Variants in CSMD1 observed in about 807,000 individuals in gnomAD.
CSMD1 encodes CUB and sushi domain-containing protein 1.
In CSMD1, 213 loss-of-function variants were observed where a neutral mutation model predicts 417.5. The observed-to-expected ratio is 0.51, with a 90% CI of 0.46 to 0.57. The LOEUF (loss-of-function observed/expected upper bound fraction) is 0.57, where lower values mean the gene tolerates loss of function less well. Ranked by LOEUF, CSMD1 falls within the 20% of genes least tolerant of loss-of-function variation. The pLI, the probability that CSMD1 is intolerant of heterozygous loss-of-function variation, is 0.00. For missense variants in CSMD1, 6,923 were observed against 4,529.7 expected, an observed-to-expected ratio of 1.53 and a Z score of -15.17; for synonymous variants, 2,862 against 1,736.8, an observed-to-expected ratio of 1.65 and a Z score of -16.11.
intron 5 of CSMD1, among the ~76,000 whole-genome samples, chr8:3,809,539 C>T (rs1020334102): frequency 1.3e-5 from 2 of 152,286 alleles, no homozygotes; most frequent in African/African-American, 4.8e-5. Context: ...GGTTCTCAAA[C>T]ATTGCCATGC....
chr8:3,006,793 A>C (rs928761631), intron 52 of CSMD1, among the ~76,000 whole-genome samples: 29 of 151,288 alleles, frequency 1.9e-4, no homozygotes, highest in Non-Finnish European at 4.0e-4. Context: ...TAAAGACTTA[A>C]ACGTTAGACC....
chr8:3,989,840 A>AT (rs1814610788), intron 5 of CSMD1, among the ~76,000 whole-genome samples: 1 of 152,308 alleles, frequency 6.6e-6, no homozygotes, highest in Non-Finnish European at 1.5e-5. Flanking sequence ...AAAATGTCAC[A>AT]TTTTTTGGAG....
intron 33 of CSMD1, among the ~76,000 whole-genome samples, chr8:3,195,862 A>G (rs1044838384): frequency 6.6e-6 from 1 of 152,216 alleles, no homozygotes; most frequent in Non-Finnish European, 1.5e-5. Context: ...ATGCAGGGAA[A>G]AAATGTAGTC....
chr8:3,630,493 G>A (rs1299983137), intron 7 of CSMD1, among the ~76,000 whole-genome samples: 1 of 152,098 alleles, frequency 6.6e-6, no homozygotes, highest in East Asian at 1.9e-4. Flanking sequence ...TAGATGAGAA[G>A]GTCCAATTTA....
At chr8:3,721,297 C>T (rs1001694152) in intron 6 of CSMD1, among the ~76,000 whole-genome samples, 2 of 152,008 alleles carry the variant, frequency 1.3e-5, no homozygotes, top group Non-Finnish European at 2.9e-5. Flanking sequence ...GATGAGTGGC[C>T]ACATATTCGG....
At chr8:4,113,389 G>A (rs1284568624) in intron 3 of CSMD1, among the ~76,000 whole-genome samples, 3 of 93,428 alleles carry the variant, frequency 3.2e-5, no homozygotes, top group Non-Finnish European at 4.1e-5. Context: ...AAATAAAAGG[G>A]CTTTTTTTTT....
chr8:4,164,965 G>C (rs766081552), intron 3 of CSMD1, among the ~76,000 whole-genome samples: 19 of 152,064 alleles, frequency 1.2e-4, no homozygotes, highest in Non-Finnish European at 2.4e-4. Flanking sequence ...CAACTGAGCA[G>C]TAGGAATTTT....
chr8:4,164,150 G>C (rs1797324059), intron 3 of CSMD1, among the ~76,000 whole-genome samples: 1 of 151,514 alleles, frequency 6.6e-6, no homozygotes, highest in African/African-American at 2.4e-5. Flanking sequence ...CTCTTAAAAT[G>C]TAATCATTAG....
rs183136946 is a variant in CSMD1, at chr8:3,681,340, G to T, written c.1009+27074C>A. 8.7e-3 allele frequency among the ~76,000 whole-genome samples: 1,319 copies of T among 152,292 alleles called. 14 individuals are homozygous for T. The highest frequency in any genetic ancestry group is 0.011 in the Non-Finnish European group (725 of 68,018). ...TAAGCTGATAAGCAACTTCAGCAAA[G>T]TCTCAGGATACAAAATCAATGTGCA... On this transcript the variant is annotated intron_variant, in intron 7 of 69. Coordinates refer to ENST00000635120, the MANE Select transcript of CSMD1 (RefSeq NM_033225.6).
chr8:4,419,876 T>C (rs1797149142), intron 3 of CSMD1, 77 bp downstream of exon 3: 6 of 1,015,018 alleles, frequency 5.9e-6, no homozygotes, highest in African/African-American at 3.2e-5. Flanking sequence ...GCCTAGTTTG[T>C]CATTATTAAT....
chr8:3,979,730 T>C (rs376049966), intron 5 of CSMD1, among the ~76,000 whole-genome samples: 1 of 152,216 alleles, frequency 6.6e-6, no homozygotes, highest in Non-Finnish European at 1.5e-5. Context: ...GGAACCTTGA[T>C]CCTAAACTTC....
At chr8:4,075,630 C>A (rs1192735444) in intron 3 of CSMD1, among the ~76,000 whole-genome samples, 2 of 152,108 alleles carry the variant, frequency 1.3e-5, no homozygotes, top group African/African-American at 2.4e-5. Flanking sequence ...TGTAGTATAA[C>A]TCACACTGTG....
intron 3 of CSMD1, among the ~76,000 whole-genome samples, chr8:4,273,713 G>A (rs535624288): frequency 1.3e-5 from 2 of 152,112 alleles, no homozygotes; most frequent in East Asian, 3.9e-4. Flanking sequence ...CAGTTAAAAG[G>A]ATTTGTAGCT....
intron 1 of CSMD1, among the ~76,000 whole-genome samples, chr8:4,986,154 T>C (rs1156519472): frequency 2.0e-5 from 3 of 152,162 alleles, no homozygotes; most frequent in Admixed American, 6.5e-5. Flanking sequence ...TCCTTTGAGA[T>C]AAAAGTGAAG....
intron 26 of CSMD1, among the ~76,000 whole-genome samples, chr8:3,245,276 T>G (rs1449257105): frequency 1.3e-5 from 2 of 152,156 alleles, no homozygotes; most frequent in African/African-American, 2.4e-5. Context: ...CCTGCCACCC[T>G]GAGAAGCACC....
Position 3,215,397 on chromosome 8 carries a change from T to A in CSMD1, c.4673-706A>T, listed in dbSNP as rs186496082. On this transcript the variant is annotated intron_variant, in intron 29 of 69. Transcript: ENST00000635120. ...TAGTTAAAATAATTGCTGAAATTTA[T>A]TGAGGGCTCATTATGTACCAGACAT... is the stretch of plus-strand genomic sequence containing the variant. Among the ~76,000 whole-genome samples the A allele has an allele frequency of 1.4e-4, 22 of 152,260 alleles. 1 individual carries two copies. Among genetic ancestry groups the A allele is most frequent in the Non-Finnish European group, 2.9e-4 (20 of 68,050 alleles).
At chr8:3,504,512 C>T (rs79255317) in intron 10 of CSMD1, among the ~76,000 whole-genome samples, 1 of 152,120 alleles carries the variant, frequency 6.6e-6, no homozygotes, top group South Asian at 2.1e-4. Flanking sequence ...CATGGCAACC[C>T]TTCATAAAAA....
intron 65 of CSMD1, among the ~76,000 whole-genome samples, chr8:2,952,958 C>T (rs898587271): frequency 7.2e-5 from 11 of 152,108 alleles, no homozygotes; most frequent in Admixed American, 7.2e-4. Flanking sequence ...CTGAGCTGTA[C>T]TAGAATGTAC....
chr8:3,904,712 C>A (rs1284349095), intron 5 of CSMD1, among the ~76,000 whole-genome samples: 19 of 149,686 alleles, frequency 1.3e-4, no homozygotes, highest in Non-Finnish European at 8.9e-5. Context: ...TCTCAGCTCA[C>A]AGCAACCTCG....
Sources: gnomAD v4.1 joint callset for allele counts (sites outside exome capture counted in the v4.1 genomes callset) on GRCh38, gnomAD v4.1.1 for gene constraint, MANE v1.5 for transcripts, NCBI Gene and HGNC (gene_info 2026-07-23, HGNC 2026-07-21) for gene names.